THSD7A: variants seen among roughly 807,000 people sequenced by gnomAD.
THSD7A encodes thrombospondin type-1 domain-containing protein 7A.
A neutral mutation model predicts 231.3 loss-of-function variants in THSD7A; 96 were observed. The observed-to-expected ratio is 0.41, with a 90% confidence interval of 0.35 to 0.49. THSD7A has a LOEUF of 0.49. Among genes scored for constraint, THSD7A ranks in the 20% least tolerant of loss-of-function variants. THSD7A has a pLI of 0.05. For synonymous variants in THSD7A, 940 were observed against 743.3 expected, an observed-to-expected ratio of 1.26 and a Z score of -4.30; for missense variants, 2,290 against 2,070.2, an observed-to-expected ratio of 1.11 and a Z score of -2.06.
intron 6 of THSD7A, among the ~76,000 whole-genome samples, chr7:11,488,670 T>C (rs563088009): frequency 6.6e-6 from 1 of 152,262 alleles, no homozygotes; most frequent in Non-Finnish European, 1.5e-5. Context: ...TGTATCTCAT[T>C]TCCCTTGTAT....
At chr7:11,451,939 T>C (rs1024891762) in intron 11 of THSD7A, among the ~76,000 whole-genome samples, 2 of 152,034 alleles carry the variant, frequency 1.3e-5, no homozygotes, top group Admixed American at 1.3e-4. Context: ...TTTGTTTGAA[T>C]AATCAGAATG....
intron 4 of THSD7A, among the ~76,000 whole-genome samples, chr7:11,560,880 CT>C (rs1790049430): frequency 6.6e-6 from 1 of 152,104 alleles, no homozygotes; most frequent in African/African-American, 2.4e-5. Context: ...AGGGTTTCCA[CT>C]TGTGAATGGA....
chr7:11,424,886 G>A (rs1056595633), intron 15 of THSD7A, 57 bp from the exon 16 acceptor site: 1 of 1,601,370 alleles, frequency 6.2e-7, no homozygotes, highest in African/African-American at 1.3e-5. Flanking sequence ...TGAGGAGGAA[G>A]ACTTCCACAC....
chr7:11,635,987 C>G, intron 2 of THSD7A, 143 bp downstream of exon 2: 1 of 692,892 alleles, frequency 1.4e-6, no homozygotes, highest in Non-Finnish European at 2.3e-6. Context: ...CTCACACAAG[C>G]TCAGAAGCCT....
At chr7:11,625,376 C>T (rs1781443046) in intron 2 of THSD7A, among the ~76,000 whole-genome samples, 1 of 152,030 alleles carries the variant, frequency 6.6e-6, no homozygotes, top group Non-Finnish European at 1.5e-5. Context: ...GTATTAAGCA[C>T]AGCAGTATTT....
intron 1 of THSD7A, among the ~76,000 whole-genome samples, chr7:11,776,218 G>T (rs1206485637): frequency 6.6e-6 from 1 of 152,146 alleles, no homozygotes; most frequent in African/African-American, 2.4e-5. Context: ...AAACATGAAA[G>T]TTAGGACATA....
In THSD7A at chr7:11,681,876, A is replaced by G. The variant is rs148096360; in HGVS notation, c.191-44915T>C. ...GCTAGAGAAAGGGTTCATATTACCT[A>G]TAAAGGGCATCACATCAGAACAACA... On this transcript the variant is annotated intron_variant, in intron 1 of 27. Coordinates refer to ENST00000423059, the MANE Select transcript of THSD7A (RefSeq NM_015204.3). 2.2e-4 allele frequency among the ~76,000 whole-genome samples: 34 copies of G among 152,170 alleles called. 1 individual carries two copies. In the East Asian group the frequency reaches 6.6e-3, roughly 30 times the overall value.
intron 23 of THSD7A, among the ~76,000 whole-genome samples, chr7:11,389,436 T>C (rs1184273372): frequency 6.0e-4 from 32 of 53,038 alleles, no homozygotes; most frequent in African/African-American, 2.0e-3. Context: ...TTTTTTTTTT[T>C]TTTTTTTTTT....
In THSD7A at chr7:11,411,169, GA is replaced by G; in HGVS notation, c.3798+37del. 1 of 1,497,342 alleles carries G rather than the reference GA, an allele frequency of 6.7e-7. No individual in the cohort carries two copies. The highest frequency in any genetic ancestry group is 9.3e-7 in the Non-Finnish European group (1 of 1,078,944). The allele number at this position is 1,497,342 out of a possible 1,614,324, so 92.8% of individuals were successfully genotyped here. A position where few individuals can be genotyped will look rare whatever the true frequency, so the allele number is the denominator to read the frequency against. ...AGCATGAATTGAAATTATTAGGGAA[GA>G]ATTTACTCGCGAAGATATAACACAG... On this transcript the variant is annotated intron_variant, in intron 19 of 27. Transcript: ENST00000423059. This position sits in a 1 kb window ranked among gnomAD's most constrained non-coding sequence, Gnocchi z 4.1.
intron 4 of THSD7A, among the ~76,000 whole-genome samples, chr7:11,543,530 A>C (rs938366976): frequency 6.6e-6 from 1 of 152,190 alleles, no homozygotes; most frequent in African/African-American, 2.4e-5. Flanking sequence ...ATATGAAAAA[A>C]ATGTCCACTG....
Position 11,664,129 on chromosome 7 carries a change from C to T in THSD7A, c.191-27168G>A, listed in dbSNP as rs115458854. 7.5e-3 allele frequency among the ~76,000 whole-genome samples: 1,134 copies of T among 151,604 alleles called. 11 individuals carry two copies. The highest frequency in any genetic ancestry group is 0.026 in the African/African-American group (1,068 of 41,434). On this transcript the variant is annotated intron_variant, in intron 1 of 27. Transcript: ENST00000423059. ...TTTATTATATTGATATTCCTCAGTC[C>T]CTGCCACCCACATCCTTTTACGAAG...
At chr7:11,437,004 G>A (rs1177953862) in intron 13 of THSD7A, among the ~76,000 whole-genome samples, 4 of 151,880 alleles carry the variant, frequency 2.6e-5, no homozygotes, top group Non-Finnish European at 4.4e-5. Flanking sequence ...TTCTTTTTTG[G>A]TTGTTGCAAA....
intron 1 of THSD7A, among the ~76,000 whole-genome samples, chr7:11,657,195 A>C (rs75099446): frequency 0.1 from 15,407 of 151,858 alleles, 999 homozygotes; most frequent in Non-Finnish European, 0.15. Flanking sequence ...GAATGGGGGA[A>C]AATAAGTACA....
intron 2 of THSD7A, among the ~76,000 whole-genome samples, chr7:11,635,908 A>G (rs1781822247): frequency 6.6e-6 from 1 of 152,060 alleles, no homozygotes; most frequent in Non-Finnish European, 1.5e-5. Flanking sequence ...CAGACTTTGA[A>G]AGGAAAATCA....
At chr7:11,790,115 G>T (rs1401705186) in intron 1 of THSD7A, among the ~76,000 whole-genome samples, 2 of 151,918 alleles carry the variant, frequency 1.3e-5, no homozygotes, top group Non-Finnish European at 2.9e-5. Context: ...AACAAATTAA[G>T]TATTAATTTC....
chr7:11,667,248 C>T (rs1783174779), intron 1 of THSD7A, among the ~76,000 whole-genome samples: 1 of 152,162 alleles, frequency 6.6e-6, no homozygotes, highest in South Asian at 2.1e-4. Flanking sequence ...ATTACCTTAC[C>T]CTTAAGCCTT....
At chr7:11,733,152 C>A (rs1200496311) in intron 1 of THSD7A, among the ~76,000 whole-genome samples, 2 of 151,744 alleles carry the variant, frequency 1.3e-5, no homozygotes, top group African/African-American at 4.8e-5. Flanking sequence ...TGGGTCCTGT[C>A]CTGTAATAAA....
At chr7:11,529,418 G>A (rs918283969) in intron 6 of THSD7A, among the ~76,000 whole-genome samples, 1 of 152,086 alleles carries the variant, frequency 6.6e-6, no homozygotes, top group Non-Finnish European at 1.5e-5. Context: ...TAAGTGATAT[G>A]GTTTGCGTGT....
At chr7:11,611,512 T>C (rs1200510163) in intron 2 of THSD7A, among the ~76,000 whole-genome samples, 1 of 151,918 alleles carries the variant, frequency 6.6e-6, no homozygotes, top group Non-Finnish European at 1.5e-5. Context: ...GTAATAAATA[T>C]TAATGGTCAA....
Sources: gnomAD v4.1 joint callset for allele counts (sites outside exome capture counted in the v4.1 genomes callset) on GRCh38, gnomAD v4.1.1 for gene constraint, Gnocchi (gnomAD v3.1) non-coding constraint, MANE v1.5 for transcripts, NCBI Gene and HGNC (gene_info 2026-07-23, HGNC 2026-07-21) for gene names.